FRAS1: variants seen among roughly 807,000 people sequenced by gnomAD.
The protein encoded by FRAS1 is Fraser extracellular matrix complex subunit 1.
In FRAS1, 290 loss-of-function variants were observed where a neutral mutation model predicts 435.2. The observed-to-expected ratio is 0.67, with a 90% CI of 0.61 to 0.73. The LOEUF (loss-of-function observed/expected upper bound fraction) is 0.73. Among genes scored for constraint, FRAS1 ranks in the 30% least tolerant of loss-of-function variants. FRAS1 has a pLI of 0.00. For synonymous variants in FRAS1, 1,800 were observed against 1,851.0 expected (o/e 0.97, Z 0.71); for missense variants, 4,860 against 5,001.5 (o/e 0.97, Z 0.85).
chr4:78,345,052 C>T (rs902118806), intron 20 of FRAS1, among the ~76,000 whole-genome samples: 2 of 152,104 alleles, frequency 1.3e-5, no homozygotes, highest in Non-Finnish European at 2.9e-5. Flanking sequence ...GTTTGGGTAA[C>T]TTAATTTGGC....
chr4:78,246,293 G>T (rs1185480613), intron 4 of FRAS1, among the ~76,000 whole-genome samples: 3 of 152,168 alleles, frequency 2.0e-5, no homozygotes, highest in Non-Finnish European at 1.5e-5. Flanking sequence ...AGAGAGCATA[G>T]GTTAGTAGGA....
intron 2 of FRAS1, among the ~76,000 whole-genome samples, chr4:78,162,511 T>C (rs1476771720): frequency 2.0e-5 from 3 of 152,226 alleles, no homozygotes; most frequent in Non-Finnish European, 1.5e-5. Context: ...TTCACTGTTG[T>C]AAATGAAGAT....
At chr4:78,206,630 T>G (rs1723269931) in intron 2 of FRAS1, among the ~76,000 whole-genome samples, 1 of 152,166 alleles carries the variant, frequency 6.6e-6, no homozygotes, top group South Asian at 2.1e-4. Flanking sequence ...CTTGTGCAAA[T>G]GTTCCCTCAC....
rs539883934 is a variant in FRAS1, at chr4:78,539,963, C to T, written c.11445+523C>T. Among the ~76,000 whole-genome samples, 14 of 152,228 alleles carry T rather than the reference C, an allele frequency of 9.2e-5. No homozygotes were observed. The South Asian group carries it at 2.3e-3, about 25-fold the overall frequency. ...TATTATCATGCTTCAGAAGTTATTT[C>T]GAAACCATGAAGCATTTTAATGGAG... On this transcript the variant is annotated intron_variant, in intron 73 of 73. Coordinates refer to ENST00000512123, the MANE Select transcript of FRAS1 (RefSeq NM_025074.7).
At chr4:78,074,844 A>G (rs1176521221) in intron 2 of FRAS1, among the ~76,000 whole-genome samples, 3 of 152,220 alleles carry the variant, frequency 2.0e-5, no homozygotes, top group African/African-American at 7.2e-5. Flanking sequence ...TCATCCTTTT[A>G]TCTTTTAACC....
chr4:78,508,736 C>T lies in FRAS1; in HGVS notation c.9510C>T (p.Val3170=). ...GCTTTGTTGCTCTTTCGCAGGTGGT[C>T]ACACTTGCTGACTATGACCATGTGG... The part of the protein sequence containing the change: ...SLILPAPPIV[V]TLADYDHVEE... The change falls in exon 63 of 74, where the codon GTC becomes GTT. Residue 3170 remains valine (V), a synonymous_variant. Transcript: ENST00000512123. 3 of 1,613,636 alleles carry T rather than the reference C, an allele frequency of 1.9e-6. No homozygotes were observed. The highest frequency in any genetic ancestry group is 2.5e-6 in the Non-Finnish European group (3 of 1,179,764).
intron 2 of FRAS1, among the ~76,000 whole-genome samples, chr4:78,144,225 G>A (rs1299328753): frequency 6.6e-6 from 1 of 151,458 alleles, no homozygotes; most frequent in African/African-American, 2.4e-5. Context: ...AATGAAGGAA[G>A]AAAATAATAT....
At chr4:78,208,442 A>C (rs951376507) in intron 2 of FRAS1, among the ~76,000 whole-genome samples, 1 of 152,238 alleles carries the variant, frequency 6.6e-6, no homozygotes, top group Non-Finnish European at 1.5e-5. Context: ...AAACCAGAAG[A>C]AATCTGTGAA....
intron 2 of FRAS1, among the ~76,000 whole-genome samples, chr4:78,161,780 AAAG>A (rs1721152737): frequency 6.7e-6 from 1 of 150,346 alleles, no homozygotes; most frequent in Admixed American, 6.7e-5. Flanking sequence ...AAAGAAAAGA[AAAG>A]AAAAGAAAGT....
intron 1 of FRAS1, among the ~76,000 whole-genome samples, chr4:78,062,653 C>T (rs1025369082): frequency 2.0e-5 from 3 of 152,088 alleles, no homozygotes; most frequent in Non-Finnish European, 2.9e-5. Flanking sequence ...AGATTTTATA[C>T]AGTCATCTCA....
In FRAS1 at chr4:78,337,693, G is replaced by A. The variant is rs749090827; in HGVS notation, c.2298G>A (p.Arg766=). ...TGCCAGAGTGTCACCCAACCTGCAG[G>A]CAGTGTCATGGGCCGTTGGAGTCTG... The part of the protein sequence containing the change: ...GSCTECHPTC[R]QCHGPLESDC... The change falls in exon 20 of 74, where the codon AGG becomes AGA. Residue 766 remains arginine (R), a synonymous_variant. Coordinates refer to ENST00000512123, the MANE Select transcript of FRAS1 (RefSeq NM_025074.7). 1 of 1,613,142 alleles carries A rather than the reference G, an allele frequency of 6.2e-7. No individual in the cohort carries two copies.
At chr4:78,383,768 A>G (rs1029920433) in intron 27 of FRAS1, among the ~76,000 whole-genome samples, 1 of 152,228 alleles carries the variant, frequency 6.6e-6, no homozygotes, top group Admixed American at 6.5e-5. Context: ...CCTTGGCCTG[A>G]CAACTAATTT....
At chr4:78,496,696 G>C (rs1292960477) in intron 59 of FRAS1, 109 bp from the exon 60 acceptor site, 1 of 1,045,188 alleles carries the variant, frequency 9.6e-7, no homozygotes, top group Non-Finnish European at 1.4e-6. Context: ...TTTTGAATTT[G>C]TGTGGACTTT....
rs925824631 is a variant in FRAS1, at chr4:78,541,062, G to A, written c.11977G>A (p.Val3993Ile). The A allele has an allele frequency of 1.5e-5, 21 of 1,425,394 alleles. No homozygotes were observed. The highest frequency in any genetic ancestry group is 1.9e-5 in the South Asian group (1 of 52,344). The allele number at this position is 1,425,394 out of a possible 1,614,324, so 88.3% of individuals were successfully genotyped here. A position where few individuals can be genotyped will look rare whatever the true frequency, so the allele number is the denominator to read the frequency against. The change falls in exon 74 of 74, where the codon GTC (valine) becomes ATC (isoleucine). Residue 3993 changes from valine (V) to isoleucine (I), a missense_variant. Coordinates refer to ENST00000512123, the MANE Select transcript of FRAS1 (RefSeq NM_025074.7). ...GGCTTACACGTTCAAAGGTGCTAAAGTCAAAAGACTGAATCTAGAAGTCAG... is the reference window on the plus strand; with the variant it reads ...GGCTTACACGTTCAAAGGTGCTAAAATCAAAAGACTGAATCTAGAAGTCAG... ...EAAYTFKGAKVKRLNLEVRVH... is the reference protein window; with the variant it reads ...EAAYTFKGAKIKRLNLEVRVH...
intron 15 of FRAS1, 56 bp downstream of exon 15, chr4:78,308,265 C>G (rs144510719): frequency 7.0e-6 from 11 of 1,564,092 alleles, no homozygotes; most frequent in Non-Finnish European, 8.7e-6. Context: ...TCCAGCATCT[C>G]TTGTTGTATT....
intron 58 of FRAS1, among the ~76,000 whole-genome samples, chr4:78,487,741 A>G (rs1720215796): frequency 6.6e-6 from 1 of 152,220 alleles, no homozygotes; most frequent in Non-Finnish European, 1.5e-5. Flanking sequence ...ATTGAGTACC[A>G]TGCATTTATT....
intron 37 of FRAS1, among the ~76,000 whole-genome samples, 162 bp downstream of exon 37, chr4:78,430,579 T>C (rs1734175629): frequency 6.6e-6 from 1 of 152,174 alleles, no homozygotes; most frequent in Non-Finnish European, 1.5e-5. Context: ...TTGAGACTTC[T>C]TCGTGTTCCC....
chr4:78,255,879 G>C (rs965013711), intron 6 of FRAS1, among the ~76,000 whole-genome samples: 3 of 152,184 alleles, frequency 2.0e-5, no homozygotes, highest in Admixed American at 2.0e-4. Context: ...ATTTAAAGCT[G>C]ATCTGATTCT....
At chr4:78,183,297 G>T (rs1215999115) in intron 2 of FRAS1, among the ~76,000 whole-genome samples, 1 of 152,148 alleles carries the variant, frequency 6.6e-6, no homozygotes, top group Non-Finnish European at 1.5e-5. Flanking sequence ...TCTAGGGCAG[G>T]TATTTTAATT....
Sources: gnomAD v4.1 joint callset for allele counts (sites outside exome capture counted in the v4.1 genomes callset) on GRCh38, gnomAD v4.1.1 for gene constraint, MANE v1.5 for transcripts, NCBI Gene and HGNC (gene_info 2026-07-23, HGNC 2026-07-21) for gene names.